MYH10: variants seen among roughly 807,000 people sequenced by gnomAD.
The protein encoded by MYH10 is myosin heavy chain 10, also known as myosin-10.
MYH10 carries 55 observed loss-of-function variants against 257.8 expected under a neutral mutation model. The ratio of observed to expected loss-of-function variants is 0.21; its 90% CI spans 0.17 to 0.27. The LOEUF is 0.27. MYH10 is among the 10% of genes least tolerant of loss of function. The probability of loss-of-function intolerance (pLI) is 1.00; values close to 1 mark genes in which losing one functional copy is unlikely to be tolerated. For missense variants in MYH10, 1,631 were observed against 2,500.6 expected, an observed-to-expected ratio of 0.65 and a Z score of 7.42; for synonymous variants, 854 against 921.7, an observed-to-expected ratio of 0.93 and a Z score of 1.33.
chr17:8,521,299 A>G lies in MYH10; in HGVS notation c.1958-14T>C, dbSNP rs748311594. Reference sequence around the variant, plus strand: ...CGATACGGTCCACTGGGGAGAAGAAAGGAGAAAACAAATATAAGCCAAACC... The same window carrying G: ...CGATACGGTCCACTGGGGAGAAGAAGGGAGAAAACAAATATAAGCCAAACC... On this transcript the variant is annotated splice_polypyrimidine_tract_variant and intron_variant, in intron 17 of 42. Coordinates refer to ENST00000360416, the MANE Select transcript of MYH10 (RefSeq NM_001256012.3). 3 of 1,612,754 alleles carry G rather than the reference A, an allele frequency of 1.9e-6. No homozygotes were observed. The highest frequency in any genetic ancestry group is 2.5e-6 in the Non-Finnish European group (3 of 1,178,754).
chr17:8,577,388 C>T (rs1376969532), intron 4 of MYH10, 50 bp from the exon 5 acceptor site: 1 of 1,127,772 alleles, frequency 8.9e-7, no homozygotes, highest in Non-Finnish European at 1.3e-6. Flanking sequence ...ACAGCACATG[C>T]ATTCCAAAAT....
intron 17 of MYH10, among the ~76,000 whole-genome samples, chr17:8,524,381 C>T (rs1160651242): frequency 2.2e-5 from 3 of 134,234 alleles, no homozygotes; most frequent in East Asian, 4.7e-4. Flanking sequence ...ACTCAGGAAG[C>T]GGAGGTCGCA....
rs752422714 is a variant in MYH10 at position 8,490,466 on chromosome 17, G to A, written c.4758C>T (p.Leu1586=). The change falls in exon 35 of 43, where the codon CTC becomes CTT. Residue 1586 remains leucine (L), a synonymous_variant. Coordinates refer to ENST00000360416, the MANE Select transcript of MYH10 (RefSeq NM_001256012.3). The surrounding 1 kb of genome is among the most constrained non-coding windows in gnomAD (Gnocchi z 4.1). Reference sequence around the variant, plus strand: ...GAAGCTTGGCATCTTCCGTGGCCTGGAGTTCGTCTTCCAGCTCCTCCAGCT... The same window carrying A: ...GAAGCTTGGCATCTTCCGTGGCCTGAAGTTCGTCTTCCAGCTCCTCCAGCT... ...RTQLEELEDE[L]QATEDAKLRL... 2.5e-6 allele frequency: 4 copies of A among 1,614,190 alleles called. No homozygotes were observed. The Admixed American group carries it at 5.0e-5, about 20-fold the overall frequency.
rs114637159 is a variant in MYH10, at chr17:8,502,823, G to T, written c.3600-1853C>A. ...ATATGCGCATTTAGTTTTTTGCAAGGGTTGGATGGAAAAATGATCAGAACC... is the reference window on the plus strand; with the variant it reads ...ATATGCGCATTTAGTTTTTTGCAAGTGTTGGATGGAAAAATGATCAGAACC... On this transcript the variant is annotated intron_variant, in intron 28 of 42. Transcript: ENST00000360416. Among the ~76,000 whole-genome samples the T allele has an allele frequency of 4.6e-3, 701 of 152,248 alleles. 3 individuals are homozygous for T. The highest frequency in any genetic ancestry group is 0.016 in the African/African-American group (667 of 41,550).
chr17:8,609,815 A>G (rs1315557648), intron 2 of MYH10, among the ~76,000 whole-genome samples: 1 of 152,186 alleles, frequency 6.6e-6, no homozygotes, highest in Non-Finnish European at 1.5e-5. Flanking sequence ...AAAACTTATC[A>G]GTAATAATAA....
At chr17:8,597,202 A>G (rs193223887) in intron 3 of MYH10, among the ~76,000 whole-genome samples, 1 of 152,328 alleles carries the variant, frequency 6.6e-6, no homozygotes, top group Admixed American at 6.5e-5. Flanking sequence ...GTTGAATGTT[A>G]AAATGTAAAA....
At chr17:8,536,148 C>G (rs1356569844) in intron 14 of MYH10, among the ~76,000 whole-genome samples, 2 of 152,072 alleles carry the variant, frequency 1.3e-5, no homozygotes. Flanking sequence ...AGAGGAGTAA[C>G]TTATCTCAAA....
rs1357664813 is a variant in MYH10 at position 8,499,309 on chromosome 17, C to G, written c.3912G>C (p.Arg1304Ser). 1.2e-6 allele frequency: 2 copies of G among 1,613,968 alleles called. No homozygotes were observed. Among genetic ancestry groups the G allele is most frequent in the Admixed American group, 1.7e-5 (1 of 59,980 alleles). The change falls in exon 30 of 43, where the codon AGG becomes AGC. Residue 1304 changes from arginine to serine, a missense_variant. Coordinates refer to ENST00000360416, the MANE Select transcript of MYH10 (RefSeq NM_001256012.3). ...ELHAKVSEGD[R>S]LRVELAEKAS... is the part of the protein sequence containing the mutation. ...CTTTCTCCGCCAGCTCCACCCTGAG[C>G]CTGTCGCCTTCAGAGACCTTGGCAT...
rs978013558 is a variant in MYH10 at position 8,569,215 on chromosome 17, C to G, written c.756+505G>C. Among the ~76,000 whole-genome samples, 1 of 58,700 alleles carries G rather than the reference C, an allele frequency of 1.7e-5. No individual in the cohort carries two copies. Among genetic ancestry groups the G allele is most frequent in the South Asian group, 1.1e-3 (1 of 920 alleles). 38.5% of individuals were successfully genotyped at this position (58,700 alleles called of 152,430 possible). ...CCAGGCTGGGTGACAGAGCAAGACC[C>G]TGTCTCAAAAAAAAAAAAAAATTAA... is the stretch of plus-strand genomic sequence containing the variant. On this transcript the variant is annotated intron_variant, in intron 7 of 42. Coordinates refer to ENST00000360416, the MANE Select transcript of MYH10 (RefSeq NM_001256012.3). The surrounding 1 kb of genome is among the most constrained non-coding windows in gnomAD (Gnocchi z 4.1).
intron 2 of MYH10, among the ~76,000 whole-genome samples, chr17:8,615,182 G>A (rs902374516): frequency 6.6e-6 from 1 of 151,984 alleles, no homozygotes; most frequent in Non-Finnish European, 1.5e-5. Flanking sequence ...GGGAGGCTAA[G>A]GCAGGAAGAT....
rs938698323 is a variant in MYH10, at chr17:8,585,191, A to G, written c.530+3890T>C. ...CATATATATATGTGTGTGTGTGTGTATATTATATATATATATGTGTGTGTG... is the reference window on the plus strand; with the variant it reads ...CATATATATATGTGTGTGTGTGTGTGTATTATATATATATATGTGTGTGTG... On this transcript the variant is annotated intron_variant, in intron 4 of 42. Transcript: ENST00000360416. 7.9e-4 allele frequency among the ~76,000 whole-genome samples: 36 copies of G among 45,402 alleles called. No homozygotes were observed. The South Asian group carries it at 0.027, about 34-fold the overall frequency. The allele number at this position is 45,402 out of a possible 152,430, so 29.8% of individuals were successfully genotyped here.
chr17:8,522,975 C>T (rs1206579825), intron 17 of MYH10, among the ~76,000 whole-genome samples: 1 of 152,180 alleles, frequency 6.6e-6, no homozygotes, highest in African/African-American at 2.4e-5. Context: ...TACTTCAGTC[C>T]CATGTTTCTT....
intron 24 of MYH10, chr17:8,511,027 T>TATATATATAC (rs1555578900): frequency 0.043 from 182 of 4,238 alleles, 1 homozygote; most frequent in African/African-American, 0.046. Flanking sequence ...TATATATATA[T>TATATATATAC]ATATATATAT....
At chr17:8,577,748 T>C (rs996168078) in intron 4 of MYH10, among the ~76,000 whole-genome samples, 1 of 152,128 alleles carries the variant, frequency 6.6e-6, no homozygotes, top group African/African-American at 2.4e-5. Flanking sequence ...GCCAGGCTGG[T>C]CTCGAACTCC....
intron 4 of MYH10, among the ~76,000 whole-genome samples, chr17:8,579,571 G>C (rs1327252301): frequency 6.6e-6 from 1 of 152,126 alleles, no homozygotes; most frequent in Non-Finnish European, 1.5e-5. Flanking sequence ...TGGTTTATAA[G>C]ACTATTTCCT....
intron 29 of MYH10, among the ~76,000 whole-genome samples, chr17:8,500,009 T>C (rs7217409): frequency 0.46 from 69,590 of 152,114 alleles, 16,121 homozygotes; most frequent in African/African-American, 0.55. Context: ...CTAACACCAC[T>C]GGACCTCAGT....
chr17:8,486,867 T>A (rs1353382211), intron 36 of MYH10, among the ~76,000 whole-genome samples: 5 of 152,206 alleles, frequency 3.3e-5, no homozygotes. Flanking sequence ...TCTTTGTACA[T>A]AAAAATTTCT....
intron 14 of MYH10, among the ~76,000 whole-genome samples, chr17:8,536,280 G>A (rs8081677): frequency 0.46 from 70,264 of 151,898 alleles, 16,480 homozygotes; most frequent in African/African-American, 0.57. Flanking sequence ...GAATGTTCAT[G>A]TTCAGTGACT....
Position 8,577,290 on chromosome 17 carries a change from C to T in MYH10, c.579G>A (p.Gln193=), listed in dbSNP as rs377075366. The T allele has an allele frequency of 1.2e-6, 2 of 1,612,358 alleles. No individual in the cohort carries two copies. Among genetic ancestry groups the T allele is most frequent in the African/African-American group, 1.3e-5 (1 of 74,882 alleles). Residue 193 remains glutamine, a synonymous_variant, in exon 5 of 43, where the codon CAG becomes CAA. Coordinates refer to ENST00000360416, the MANE Select transcript of MYH10 (RefSeq NM_001256012.3). ...GTGAAGAAGCAACATGGGCAAGGTACTGAATAACTTTCTTTGTATTTTCTG... is the reference window on the plus strand; with the variant it reads ...GTGAAGAAGCAACATGGGCAAGGTATTGAATAACTTTCTTTGTATTTTCTG... The part of the protein sequence containing the change: ...GKTENTKKVI[Q]YLAHVASSHK...
Sources: allele counts gnomAD v4.1 joint callset (sites outside exome capture counted in the v4.1 genomes callset), GRCh38; gene constraint gnomAD v4.1.1; non-coding constraint Gnocchi (gnomAD v3.1); transcripts MANE v1.5; gene names NCBI Gene and HGNC (gene_info 2026-07-23, HGNC 2026-07-21).